The following ZNF292 variants were observed in gnomAD, a reference collection of about 807,000 sequenced individuals.
The protein encoded by ZNF292 is 16 zinc-finger domain protein.
Under a neutral mutation model 217.9 loss-of-function variants are expected in ZNF292, and 26 were observed. The observed-to-expected ratio is 0.12, with a 90% confidence interval of 0.09 to 0.17. The LOEUF (loss-of-function observed/expected upper bound fraction) is 0.17, where lower values mean the gene tolerates loss of function less well. Ranked by LOEUF, ZNF292 falls within the 10% of genes least tolerant of loss-of-function variation. ZNF292 has a pLI of 1.00. For synonymous variants in ZNF292, 1,257 were observed against 1,124.1 expected, an observed-to-expected ratio of 1.12 and a Z score of -2.37; for missense variants, 2,904 against 3,175.2, an observed-to-expected ratio of 0.91 and a Z score of 2.05.
chr6:87,260,236 G>A lies in ZNF292; in HGVS notation c.6607G>A (p.Glu2203Lys). ...GAAACTTCATGAAATGACTCCTGAAGAAATTGAAAGTATGACTGCTTCAGT... is the reference window on the plus strand; with the variant it reads ...GAAACTTCATGAAATGACTCCTGAAAAAATTGAAAGTATGACTGCTTCAGT... Reference protein sequence around the residue: ...YMKLHEMTPEEIESMTASVDV... With the variant: ...YMKLHEMTPEKIESMTASVDV... Residue 2203 changes from glutamate to lysine, a missense_variant, in exon 8 of 8, where the codon GAA (glutamate) becomes AAA (lysine). Transcript: ENST00000369577. 1 of 1,613,616 alleles carries A rather than the reference G, an allele frequency of 6.2e-7. No individual in the cohort carries two copies. The highest frequency in any genetic ancestry group is 8.5e-7 in the Non-Finnish European group (1 of 1,179,616).
chr6:87,235,533 A>G (rs566577405), intron 5 of ZNF292, among the ~76,000 whole-genome samples: 1 of 152,194 alleles, frequency 6.6e-6, no homozygotes, highest in South Asian at 2.1e-4. Context: ...TTTGAAGTTG[A>G]AGACTGTGAA....
Position 87,257,259 on chromosome 6 carries a change from C to T in ZNF292, c.3630C>T (p.Val1210=), listed in dbSNP as rs751914781. The T allele has an allele frequency of 8.7e-6, 14 of 1,613,714 alleles. No homozygotes were observed. Among genetic ancestry groups the T allele is most frequent in the Admixed American group, 3.3e-5 (2 of 59,934 alleles). The change falls in exon 8 of 8, where the codon GTC becomes GTT. Residue 1210 remains valine, a synonymous_variant. Transcript: ENST00000369577. ...STPLLSSMES[V]INPNITSQDK... is the part of the protein sequence containing the mutation. ...CATTGTTGTCCTCAATGGAAAGTGT[C>T]ATAAATCCAAATATAACTTCTCAGG...
chr6:87,207,208 A>G (rs1396678310), intron 1 of ZNF292, among the ~76,000 whole-genome samples: 4 of 152,236 alleles, frequency 2.6e-5, no homozygotes, highest in Admixed American at 2.0e-4. Flanking sequence ...CAAATGAGAA[A>G]TTCTTGTTTT....
At chr6:87,254,166 A>G (rs927179663) in intron 7 of ZNF292, among the ~76,000 whole-genome samples, 15 of 152,222 alleles carry the variant, frequency 9.9e-5, no homozygotes, top group Non-Finnish European at 2.9e-5. Flanking sequence ...TCTCAGTTTT[A>G]TAATTAGATT....
chr6:87,188,370 C>A (rs1771726053), intron 1 of ZNF292, among the ~76,000 whole-genome samples: 1 of 152,082 alleles, frequency 6.6e-6, no homozygotes, highest in South Asian at 2.1e-4. Flanking sequence ...GTAAAGATAC[C>A]CAACTGACAG....
intron 7 of ZNF292, among the ~76,000 whole-genome samples, chr6:87,251,523 G>T (rs2127850439): frequency 6.6e-6 from 1 of 152,280 alleles, no homozygotes; most frequent in South Asian, 2.1e-4. Flanking sequence ...TTGAGTTTCT[G>T]TTCCTCCTCT....
At chr6:87,193,550 A>AT (rs1771875698) in intron 1 of ZNF292, among the ~76,000 whole-genome samples, 1 of 151,818 alleles carries the variant, frequency 6.6e-6, no homozygotes, top group Non-Finnish European at 1.5e-5. Context: ...AAAAAAAAAA[A>AT]GAAAAATGCA....
intron 1 of ZNF292, among the ~76,000 whole-genome samples, chr6:87,202,812 A>AG (rs969589675): frequency 6.6e-6 from 1 of 152,050 alleles, no homozygotes. Flanking sequence ...ACATACAGTA[A>AG]GGGGGGAGAG....
At chr6:87,179,446 C>T (rs991668158) in intron 1 of ZNF292, among the ~76,000 whole-genome samples, 2 of 152,018 alleles carry the variant, frequency 1.3e-5, no homozygotes, top group Non-Finnish European at 2.9e-5. Context: ...CAGGAATGAG[C>T]CACTGTGCCT....
intron 7 of ZNF292, among the ~76,000 whole-genome samples, chr6:87,250,752 T>C (rs1774880819): frequency 1.3e-5 from 2 of 152,224 alleles, no homozygotes; most frequent in Admixed American, 6.5e-5. Context: ...AATTGAGATC[T>C]GCAAAGGAAT....
At chr6:87,163,222 C>T (rs921537611) in intron 1 of ZNF292, among the ~76,000 whole-genome samples, 2 of 152,202 alleles carry the variant, frequency 1.3e-5, no homozygotes, top group East Asian at 1.9e-4. Flanking sequence ...GAGGCCGAGG[C>T]GGGCAGATCA....
intron 1 of ZNF292, among the ~76,000 whole-genome samples, chr6:87,175,416 G>A (rs147888389): frequency 3.2e-4 from 48 of 152,216 alleles, no homozygotes; most frequent in African/African-American, 1.1e-3. Context: ...GCTACCTGCA[G>A]CCTTGAACTC....
rs35294887 is a variant in ZNF292, at chr6:87,184,470, C to CTTTT, written c.168+28728_168+28731dup. Among the ~76,000 whole-genome samples, 211 of 115,056 alleles carry CTTTT rather than the reference C, an allele frequency of 1.8e-3. 5 individuals carry two copies. The highest frequency in any genetic ancestry group is 5.0e-3 in the African/African-American group (148 of 29,650). The allele number at this position is 115,056 out of a possible 152,430, so 75.5% of individuals were successfully genotyped here. On this transcript the variant is annotated intron_variant, in intron 1 of 7. Transcript: ENST00000369577. The stretch of plus-strand genomic sequence containing the variant: ...CTTAGTGCGCTCAACTTACCATAGG[C>CTTTT]TTTTTTTTTTTTTTTTTTTTGAGGG...
chr6:87,156,033 C>T (rs577981825), intron 1 of ZNF292, among the ~76,000 whole-genome samples: 119 of 152,380 alleles, frequency 7.8e-4, no homozygotes, highest in Non-Finnish European at 1.3e-3. Flanking sequence ...GCGCGGTCCC[C>T]GCGGCTGAGG....
intron 1 of ZNF292, among the ~76,000 whole-genome samples, chr6:87,186,723 G>T (rs1296525003): frequency 6.6e-6 from 1 of 152,146 alleles, no homozygotes. Flanking sequence ...CAGCCTGGGC[G>T]ATAGAACAAG....
chr6:87,190,650 T>G (rs960016664), intron 1 of ZNF292, among the ~76,000 whole-genome samples: 8 of 152,010 alleles, frequency 5.3e-5, no homozygotes, highest in African/African-American at 1.5e-4. Context: ...ATTTTTGTAT[T>G]TTTAGTAGAG....
chr6:87,198,455 G>C (rs191292620), intron 1 of ZNF292, among the ~76,000 whole-genome samples: 1 of 152,038 alleles, frequency 6.6e-6, no homozygotes, highest in Non-Finnish European at 1.5e-5. Flanking sequence ...CCGCCCGCCT[G>C]GGCCTCCCAA....
rs908272850 is a variant in ZNF292, at chr6:87,261,180, T to A, written c.7551T>A (p.Asp2517Glu). ...SSNVSNDFQEDNLCQSERQKA... is the reference protein window; with the variant it reads ...SSNVSNDFQEENLCQSERQKA... ...ATGTAAGTAATGATTTTCAGGAAGA[T>A]AACCTCTGCCAGTCAGAAAGACAAA... The change falls in exon 8 of 8, where the codon GAT (aspartate) becomes GAA (glutamate). Residue 2517 changes from aspartate (D) to glutamate (E), a missense_variant. Physicochemically the swap from Asp to Glu is conservative, Grantham distance 45 (BLOSUM62 2). This residue lies in a region of ZNF292 where 380 missense variants were observed against 355.3 expected (regional missense o/e 1.07). Transcript: ENST00000369577. The A allele has an allele frequency of 1.2e-6, 2 of 1,612,974 alleles. No individual in the cohort carries two copies. Among genetic ancestry groups the A allele is most frequent in the African/African-American group, 2.7e-5 (2 of 74,850 alleles).
In ZNF292 at chr6:87,216,200, G is replaced by A. The variant is rs1582435593; in HGVS notation, c.324-99G>A. ...TTATAGTTTAATTTTAAATAGATTA[G>A]TTATGGGGAGTCTGCTTATGATACT... On this transcript the variant is annotated intron_variant, in intron 2 of 7. Coordinates refer to ENST00000369577, the MANE Select transcript of ZNF292 (RefSeq NM_015021.3). The A allele has an allele frequency of 2.3e-6, 3 of 1,311,324 alleles. No homozygotes were observed. The East Asian group carries it at 7.3e-5, about 32-fold the overall frequency. The allele number at this position is 1,311,324 out of a possible 1,614,324, so 81.2% of individuals were successfully genotyped here. A position where few individuals can be genotyped will look rare whatever the true frequency, so the allele number is the denominator to read the frequency against.
Sources: gnomAD v4.1 joint callset for allele counts (sites outside exome capture counted in the v4.1 genomes callset) on GRCh38, gnomAD v4.1.1 for gene constraint, gnomAD v4.1.1 regional missense constraint, MANE v1.5 for transcripts, NCBI Gene and HGNC (gene_info 2026-07-23, HGNC 2026-07-21) for gene names.